SPIRE2: variants seen among roughly 807,000 people sequenced by gnomAD.
SPIRE2 encodes spire type actin nucleation factor 2.
Under a neutral mutation model 80.7 loss-of-function variants are expected in SPIRE2, and 76 were observed. The observed-to-expected ratio is 0.94, with a 90% CI of 0.78 to 1.14. The LOEUF is 1.14. Among genes scored for constraint, SPIRE2 ranks in the 50% most tolerant of loss-of-function variants. The pLI is 0.00. For synonymous variants in SPIRE2, 535 were observed against 432.6 expected, an observed-to-expected ratio of 1.24 and a Z score of -2.94; for missense variants, 1,196 against 1,015.3, an observed-to-expected ratio of 1.18 and a Z score of -2.42.
At chr16:89,836,808 C>T (rs1369882703) in intron 1 of SPIRE2, among the ~76,000 whole-genome samples, 2 of 149,418 alleles carry the variant, frequency 1.3e-5, no homozygotes, top group African/African-American at 2.5e-5. Flanking sequence ...GGAGAAACCC[C>T]GTCTCTACTG....
At chr16:89,869,771 C>A in intron 14 of SPIRE2, 89 bp downstream of exon 14, 1 of 1,019,930 alleles carries the variant, frequency 9.8e-7, no homozygotes, top group Non-Finnish European at 1.5e-6. Flanking sequence ...CTGGCTTTGT[C>A]TGTTTGCTAG....
chr16:89,839,247 G>A (rs1011808826), intron 1 of SPIRE2, among the ~76,000 whole-genome samples: 16 of 152,098 alleles, frequency 1.1e-4, no homozygotes, highest in African/African-American at 2.6e-4. Context: ...GGTGGCGGGC[G>A]CCTGTAGTCC....
chr16:89,857,881 C>CTTTTT (rs774655599), intron 7 of SPIRE2, among the ~76,000 whole-genome samples: 8 of 107,190 alleles, frequency 7.5e-5, no homozygotes, highest in South Asian at 3.2e-4. Context: ...AGTTCTTCTT[C>CTTTTT]TTTTTTTTTT....
chr16:89,837,799 G>C, intron 1 of SPIRE2, among the ~76,000 whole-genome samples: 1 of 152,178 alleles, frequency 6.6e-6, no homozygotes, highest in East Asian at 1.9e-4. Flanking sequence ...TTTATGGAAC[G>C]AGTGGGTTGG....
chr16:89,834,962 C>T (rs1424253973), intron 1 of SPIRE2, among the ~76,000 whole-genome samples: 4 of 147,978 alleles, frequency 2.7e-5, no homozygotes, highest in East Asian at 2.1e-4. Context: ...GGCTGGCCGT[C>T]GTAGAAGGCC....
At chr16:89,867,877 A>G (rs2041803763) in intron 12 of SPIRE2, among the ~76,000 whole-genome samples, 1 of 152,204 alleles carries the variant, frequency 6.6e-6, no homozygotes, top group South Asian at 2.1e-4. Context: ...AAGCTACCAC[A>G]TCTGGCCCAC....
rs2041352637 is a variant in SPIRE2 at position 89,828,903 on chromosome 16, G to A, written c.244+109G>A. On this transcript the variant is annotated intron_variant, in intron 1 of 14. Transcript: ENST00000378247. This position sits in a 1 kb window ranked among gnomAD's most constrained non-coding sequence, Gnocchi z 5.9. ...GAGGCTGCGACCGGTTCTGGAGCGG[G>A]AGATCCCCTTCTCTGCGGGACCCGG... is the stretch of plus-strand genomic sequence containing the variant. 3 of 907,756 alleles carry A rather than the reference G, an allele frequency of 3.3e-6. No homozygotes were observed. The highest frequency in any genetic ancestry group is 3.5e-5 in the African/African-American group (2 of 56,944). 56.2% of individuals were successfully genotyped at this position (907,756 alleles called of 1,614,324 possible).
chr16:89,856,111 A>G lies in SPIRE2; in HGVS notation c.979-2A>G. Reference sequence around the variant, plus strand: ...ACCGCAGGTCTCGCTTCCCCACCGCAGGTCTCTGAGAGGCGGCTGCGCCCG... The same window carrying G: ...ACCGCAGGTCTCGCTTCCCCACCGCGGGTCTCTGAGAGGCGGCTGCGCCCG... On this transcript the variant is annotated splice_acceptor_variant, in intron 6 of 14. Transcript: ENST00000378247. LOFTEE classifies it high-confidence loss of function. 1 of 1,611,418 alleles carries G rather than the reference A, an allele frequency of 6.2e-7. No individual in the cohort carries two copies. Among genetic ancestry groups the G allele is most frequent in the East Asian group, 2.2e-5 (1 of 44,834 alleles).
chr16:89,828,515 CGG>C lies in SPIRE2; in HGVS notation c.-34_-33del. ...GGCGGAAGGCGCGGCTGCATGGACG[CGG>C]GTCCGGCGCGCGGGAGGCGATGACG... is the stretch of plus-strand genomic sequence containing the variant. On this transcript the variant is annotated 5_prime_UTR_variant, in exon 1 of 15. The change abolishes the stop of an existing upstream ORF in the 5' untranslated region. Transcript: ENST00000378247. This position sits in a 1 kb window ranked among gnomAD's most constrained non-coding sequence, Gnocchi z 5.9. 1 of 1,025,650 alleles carries C rather than the reference CGG, an allele frequency of 9.7e-7. No homozygotes were observed. The highest frequency in any genetic ancestry group is 1.2e-6 in the Non-Finnish European group (1 of 858,044). The allele number at this position is 1,025,650 out of a possible 1,614,324, so 63.5% of individuals were successfully genotyped here. A position where few individuals can be genotyped will look rare whatever the true frequency, so the allele number is the denominator to read the frequency against.
Position 89,854,509 on chromosome 16 carries a change from T to C in SPIRE2, c.749T>C (p.Met250Thr). Residue 250 changes from methionine (M) to threonine (T), a missense_variant, in exon 5 of 15, where the codon ATG (methionine) becomes ACG (threonine). Physicochemically the swap from Met to Thr is moderately conservative, Grantham distance 81. Coordinates refer to ENST00000378247, the MANE Select transcript of SPIRE2 (RefSeq NM_032451.2). The stretch of plus-strand genomic sequence containing the variant: ...CAGGCCCGACTGTGGGTTCAGCTCA[T>C]GCGGGAGCTCCGCCGCGGAGTGAAG... ...TDWARLWVQL[M>T]RELRRGVKLK... 2 of 1,612,636 alleles carry C rather than the reference T, an allele frequency of 1.2e-6. No homozygotes were observed. The highest frequency in any genetic ancestry group is 1.7e-6 in the Non-Finnish European group (2 of 1,179,866).
At chr16:89,845,651 C>G in intron 2 of SPIRE2, 2 of 699,332 alleles carry the variant, frequency 2.9e-6, no homozygotes, top group Non-Finnish European at 5.2e-6. Context: ...GCACAGCTGA[C>G]GTCTGCAGGG....
chr16:89,852,978 C>G (rs1291428371), intron 3 of SPIRE2, among the ~76,000 whole-genome samples: 1 of 137,740 alleles, frequency 7.3e-6, no homozygotes, highest in African/African-American at 2.7e-5. Context: ...CCCCCCGGAT[C>G]CCATGGCCCG....
intron 12 of SPIRE2, among the ~76,000 whole-genome samples, 157 bp downstream of exon 12, chr16:89,864,018 A>G (rs62056092): frequency 0.11 from 16,833 of 152,232 alleles, 1,225 homozygotes; most frequent in East Asian, 0.25. Flanking sequence ...ATGAGGAGTT[A>G]AATTTTAAAT....
intron 3 of SPIRE2, among the ~76,000 whole-genome samples, chr16:89,852,934 G>A (rs1231587693): frequency 4.7e-5 from 1 of 21,174 alleles, no homozygotes; most frequent in Admixed American, 6.8e-4. Flanking sequence ...CTCACCCCCC[G>A]CATCCCATGG....
intron 10 of SPIRE2, chr16:89,862,588 A>C (rs2041754200): frequency 6.6e-6 from 1 of 152,218 alleles, no homozygotes. Context: ...GTGGCACCTG[A>C]GGTGAATTGT....
At chr16:89,845,667 C>A in intron 2 of SPIRE2, 1 of 691,360 alleles carries the variant, frequency 1.4e-6, no homozygotes, top group Non-Finnish European at 2.6e-6. Context: ...CAGGGCCGGC[C>A]TCCCAGACAC....
chr16:89,855,796 TC>T, intron 6 of SPIRE2, 110 bp downstream of exon 6: 1 of 1,115,280 alleles, frequency 9.0e-7, no homozygotes, highest in Non-Finnish European at 1.3e-6. Context: ...CTGGGAGGTG[TC>T]CCAGTGCGTC....
intron 14 of SPIRE2, 46 bp downstream of exon 14, chr16:89,869,728 T>G (rs1426945661): frequency 6.7e-7 from 1 of 1,485,550 alleles, no homozygotes; most frequent in African/African-American, 1.4e-5. Flanking sequence ...TGGTCGGGCG[T>G]GAAGAGGAAC....
At chr16:89,855,535 CT>C (rs1186494017) in intron 5 of SPIRE2, 64 bp from the exon 6 acceptor site, 2 of 1,450,992 alleles carry the variant, frequency 1.4e-6, no homozygotes, top group Non-Finnish European at 1.9e-6. Context: ...GAGCAGGCCT[CT>C]CCCAGTCGCC....
Sources: gnomAD v4.1 joint callset for allele counts (sites outside exome capture counted in the v4.1 genomes callset) on GRCh38, gnomAD v4.1.1 for gene constraint, Gnocchi (gnomAD v3.1) non-coding constraint, MANE v1.5 for transcripts, NCBI Gene and HGNC (gene_info 2026-07-23, HGNC 2026-07-21) for gene names.